The following WHR1 variants were observed in gnomAD, a reference collection of about 807,000 sequenced individuals.
The protein encoded by WHR1 is winged helix repair factor 1.
the WHR1 span, chr6:31,971,345 G>A: frequency 6.5e-7 from 1 of 1,546,976 alleles, no homozygotes; most frequent in South Asian, 1.2e-5. This position sits in a 1 kb window ranked among gnomAD's most constrained non-coding sequence, Gnocchi z 4.5. Context: ...CGGTGTTCCA[G>A]GAGCCAGCAC....
chr6:31,971,329 C>G, the WHR1 span: 1 of 1,541,004 alleles, frequency 6.5e-7, no homozygotes, highest in Non-Finnish European at 8.8e-7. This position sits in a 1 kb window ranked among gnomAD's most constrained non-coding sequence, Gnocchi z 4.5. Flanking sequence ...CCCCTCCAAC[C>G]GGCCTCGGTG....
chr6:31,971,545 C>T, the WHR1 span: 3 of 1,614,110 alleles, frequency 1.9e-6, no homozygotes, highest in East Asian at 2.2e-5. This position sits in a 1 kb window ranked among gnomAD's most constrained non-coding sequence, Gnocchi z 4.5. Context: ...CGAAGGGCGC[C>T]GGTAGAAAGG....
the WHR1 span, chr6:31,971,457 GGGT>G: frequency 1.2e-6 from 2 of 1,613,942 alleles, no homozygotes; most frequent in Non-Finnish European, 1.7e-6. The surrounding 1 kb of genome is among the most constrained non-coding windows in gnomAD (Gnocchi z 4.5). Context: ...CGTTAGTGGG[GGGT>G]GGGCTATAGT....
At chr6:31,971,977 G>A in the WHR1 span, 82 of 1,587,634 alleles carry the variant, frequency 5.2e-5, no homozygotes, top group Non-Finnish European at 5.4e-5. The surrounding 1 kb of genome is among the most constrained non-coding windows in gnomAD (Gnocchi z 4.5). Flanking sequence ...CGTCATGGCA[G>A]GCACGCCAGA....
chr6:31,978,864 C>G, the WHR1 span: 2 of 1,602,288 alleles, frequency 1.2e-6, no homozygotes, highest in Non-Finnish European at 1.7e-6. Context: ...GCATCTTACC[C>G]TGATACGCCT....
At chr6:31,976,789 C>T in the WHR1 span, among the ~76,000 whole-genome samples, 1 of 152,262 alleles carries the variant, frequency 6.6e-6, no homozygotes, top group African/African-American at 2.4e-5. Context: ...CGTCTGCAAT[C>T]GCGGCACCTC....
chr6:31,971,434 T>C, the WHR1 span: 1 of 1,611,514 alleles, frequency 6.2e-7, no homozygotes. The surrounding 1 kb of genome is among the most constrained non-coding windows in gnomAD (Gnocchi z 4.5). Flanking sequence ...GAGGTCAAAG[T>C]TGGGGCCTGG....
chr6:31,977,751 T>G, the WHR1 span, among the ~76,000 whole-genome samples: 37 of 152,032 alleles, frequency 2.4e-4, no homozygotes, highest in Non-Finnish European at 4.1e-4. Context: ...CGTCCCAAAG[T>G]GCTGGGATTA....
chr6:31,977,749 A>G, the WHR1 span, among the ~76,000 whole-genome samples: 1 of 151,958 alleles, frequency 6.6e-6, no homozygotes, highest in Non-Finnish European at 1.5e-5. Context: ...AGCGTCCCAA[A>G]GTGCTGGGAT....
the WHR1 span, chr6:31,978,921 G>C: frequency 6.2e-7 from 1 of 1,612,720 alleles, no homozygotes; most frequent in Non-Finnish European, 8.5e-7. Flanking sequence ...TCAAGAGCAG[G>C]GGGAGATCAG....
chr6:31,976,239 G>A, the WHR1 span, among the ~76,000 whole-genome samples: 10 of 150,260 alleles, frequency 6.7e-5, no homozygotes, highest in African/African-American at 4.9e-5. Flanking sequence ...CCTCCCGGAC[G>A]GGGTGGCTGG....
chr6:31,971,366 C>G, the WHR1 span: 1 of 1,566,014 alleles, frequency 6.4e-7, no homozygotes, highest in Non-Finnish European at 8.7e-7. The surrounding 1 kb of genome is among the most constrained non-coding windows in gnomAD (Gnocchi z 4.5). Flanking sequence ...AGCAGGTGGT[C>G]CAGCCTTTCC....
the WHR1 span, chr6:31,980,256 G>T: frequency 1.8e-6 from 1 of 543,530 alleles, no homozygotes; most frequent in Admixed American, 3.2e-5. Context: ...CAGGTAGGGG[G>T]CCTGGAACAA....
the WHR1 span, chr6:31,971,688 C>T: frequency 6.3e-7 from 1 of 1,595,538 alleles, no homozygotes; most frequent in Admixed American, 1.7e-5. The surrounding 1 kb of genome is among the most constrained non-coding windows in gnomAD (Gnocchi z 4.5). Flanking sequence ...GGTCCTAAGA[C>T]AAGCAGGGGT....
the WHR1 span, among the ~76,000 whole-genome samples, chr6:31,976,044 CCA>C: frequency 6.7e-6 from 1 of 149,336 alleles, no homozygotes; most frequent in Admixed American, 6.6e-5. Flanking sequence ...GGGGCTGACC[CCA>C]CCACCTCCCT....
the WHR1 span, among the ~76,000 whole-genome samples, chr6:31,975,994 C>T: frequency 2.7e-5 from 4 of 146,682 alleles, 1 homozygote; most frequent in South Asian, 2.2e-4. Context: ...CGGGCAGAGG[C>T]GCCCCTCACC....
the WHR1 span, among the ~76,000 whole-genome samples, chr6:31,973,652 C>G: frequency 3.9e-5 from 6 of 152,090 alleles, no homozygotes; most frequent in African/African-American, 1.5e-4. Flanking sequence ...CTGCGAGGTC[C>G]GTGGTTAAGG....
the WHR1 span, chr6:31,980,203 C>G: frequency 2.0e-6 from 1 of 497,222 alleles, no homozygotes; most frequent in South Asian, 3.7e-5. Context: ...TTAACTGAAC[C>G]AGTAATAGTA....
At chr6:31,972,102 A>G in the WHR1 span, 3 of 1,613,070 alleles carry the variant, frequency 1.9e-6, no homozygotes, top group Admixed American at 5.0e-5. The surrounding 1 kb of genome is among the most constrained non-coding windows in gnomAD (Gnocchi z 6.3). Flanking sequence ...GGAGGTTGAC[A>G]CCAACGTGGC....
Sources: gnomAD v4.1 joint callset for allele counts (sites outside exome capture counted in the v4.1 genomes callset) on GRCh38, gnomAD v4.1.1 for gene constraint, Gnocchi (gnomAD v3.1) non-coding constraint, MANE v1.5 for transcripts, NCBI Gene and HGNC (gene_info 2026-07-23, HGNC 2026-07-21) for gene names.